The following MYH15 variants were observed in gnomAD, a reference collection of about 807,000 sequenced individuals.
MYH15 encodes myosin-15.
MYH15 carries 227 observed loss-of-function variants against 240.5 expected under a neutral mutation model. That is an observed-to-expected ratio of 0.94 (90% CI 0.85 to 1.05). MYH15 has a LOEUF of 1.05. Ranked by LOEUF, MYH15 falls within the 50% of genes least tolerant of loss-of-function variation. The pLI is 0.00. For missense variants in MYH15, 2,217 were observed against 2,247.5 expected (o/e 0.99, Z 0.27); for synonymous variants, 785 against 796.7 (o/e 0.99, Z 0.25).
the MYH15 span, chr3:108,551,039 A>G: frequency 2.1e-6 from 1 of 473,506 alleles, no homozygotes; most frequent in Non-Finnish European, 3.4e-6. Flanking sequence ...ATTAGATAAT[A>G]ACTTCTTATT....
chr3:108,473,330 C>T (rs979784379), intron 12 of MYH15, among the ~76,000 whole-genome samples: 3 of 152,152 alleles, frequency 2.0e-5, no homozygotes, highest in South Asian at 4.1e-4. Flanking sequence ...CTATGTTGAT[C>T]CCTCTCTTTC....
At chr3:108,449,324 C>T (rs1008732055) in intron 21 of MYH15, among the ~76,000 whole-genome samples, 1 of 151,874 alleles carries the variant, frequency 6.6e-6, no homozygotes, top group Non-Finnish European at 1.5e-5. Context: ...ATCACATTAC[C>T]TAATTTCAAA....
chr3:108,484,541 C>T (rs1419907659), intron 11 of MYH15, among the ~76,000 whole-genome samples: 1 of 152,078 alleles, frequency 6.6e-6, no homozygotes, highest in African/African-American at 2.4e-5. Context: ...TGCAGTGGAG[C>T]GATCTCGGCT....
chr3:108,476,906 A>G (rs1474852999), intron 11 of MYH15, among the ~76,000 whole-genome samples: 2 of 152,172 alleles, frequency 1.3e-5, no homozygotes, highest in African/African-American at 2.4e-5. Flanking sequence ...CGTGAGAAAC[A>G]GTTTGACAGT....
At chr3:108,490,373 C>G (rs2083337198) in intron 9 of MYH15, among the ~76,000 whole-genome samples, 2 of 152,178 alleles carry the variant, frequency 1.3e-5, no homozygotes, top group South Asian at 4.1e-4. Flanking sequence ...AGTTTACTAG[C>G]CTGGATCTGT....
At chr3:108,543,366 C>T in the MYH15 span, 2 of 152,316 alleles carry the variant, frequency 1.3e-5, no homozygotes, top group Admixed American at 6.5e-5. Flanking sequence ...TTGGTATATA[C>T]TAAAGAACTT....
At chr3:108,499,347 A>G in intron 5 of MYH15, 108 bp downstream of exon 5, 1 of 1,126,688 alleles carries the variant, frequency 8.9e-7, no homozygotes, top group Middle Eastern at 2.0e-4. Context: ...TCTAAAGGGC[A>G]ATTAATTCAA....
intron 29 of MYH15, 41 bp downstream of exon 29, chr3:108,416,767 AAAAC>A (rs1313490130): frequency 2.7e-6 from 4 of 1,464,530 alleles, no homozygotes; most frequent in Non-Finnish European, 2.8e-6. Context: ...TTTAAAAAAA[AAAAC>A]ACACAGTCAA....
chr3:108,420,166 A>G (rs2082670959), intron 28 of MYH15, among the ~76,000 whole-genome samples: 1 of 152,200 alleles, frequency 6.6e-6, no homozygotes, highest in Non-Finnish European at 1.5e-5. Flanking sequence ...AATAATGAAT[A>G]AACTATGGGA....
chr3:108,399,967 A>T (rs6762197), intron 33 of MYH15, among the ~76,000 whole-genome samples: 31,469 of 152,186 alleles, frequency 0.21, 3,306 homozygotes, highest in South Asian at 0.26. Flanking sequence ...ATAAAAAATA[A>T]AAAATTGGGA....
chr3:108,391,980 T>C (rs765802369), intron 36 of MYH15, 50 bp from the exon 37 acceptor site: 6 of 1,585,084 alleles, frequency 3.8e-6, no homozygotes, highest in Non-Finnish European at 4.3e-6. Flanking sequence ...CAATTGATCT[T>C]AACATTTTTA....
At chr3:108,441,826 T>C (rs1192871789) in intron 22 of MYH15, among the ~76,000 whole-genome samples, 13 of 152,364 alleles carry the variant, frequency 8.5e-5, no homozygotes, top group Admixed American at 5.2e-4. Context: ...GAGTTCACTG[T>C]TATTTCCAAC....
chr3:108,414,857 T>C (rs1274274199), intron 29 of MYH15, among the ~76,000 whole-genome samples: 1 of 152,226 alleles, frequency 6.6e-6, no homozygotes, highest in Non-Finnish European at 1.5e-5. Flanking sequence ...AATAAAATCT[T>C]TTATTTCACA....
the MYH15 span, among the ~76,000 whole-genome samples, chr3:108,547,134 T>C: frequency 6.6e-6 from 1 of 152,058 alleles, no homozygotes; most frequent in Admixed American, 6.6e-5. Context: ...CTCACTACAC[T>C]GCAGCCCGAG....
At position 108,443,798 on chromosome 3, in the gene MYH15, G is replaced by A. The variant is rs555327953; in HGVS notation, c.2655+842C>T. On this transcript the variant is annotated intron_variant, in intron 22 of 40. Transcript: ENST00000693548. ...ACTGGATATCAGAGTCACCCATAGAGATTATTTGGACCCACACAGAGTCTG... is the reference window on the plus strand; with the variant it reads ...ACTGGATATCAGAGTCACCCATAGAAATTATTTGGACCCACACAGAGTCTG... Among the ~76,000 whole-genome samples, 5 of 151,724 alleles carry A rather than the reference G, an allele frequency of 3.3e-5. No homozygotes were observed. In the South Asian group the frequency reaches 8.3e-4, roughly 25 times the overall value.
rs761909691 is a variant in MYH15 at position 108,500,244 on chromosome 3, T to G, written c.370A>C (p.Asn124His). ...TYSGLFCVTINPYKWLPVYQK... is the reference protein window; with the variant it reads ...TYSGLFCVTIHPYKWLPVYQK... ...TACACGGGAAGCCATTTGTAAGGGT[T>G]TATGGTCACACAGAAGAGACCTGAA... is the stretch of plus-strand genomic sequence containing the variant. The change falls in exon 4 of 41, where the codon AAC becomes CAC. Residue 124 changes from asparagine (N) to histidine (H), a missense_variant. Transcript: ENST00000693548. 3.1e-6 allele frequency: 5 copies of G among 1,613,992 alleles called. No individual in the cohort carries two copies. The highest frequency in any genetic ancestry group is 4.2e-6 in the Non-Finnish European group (5 of 1,179,906).
chr3:108,493,114 A>T lies in MYH15; in HGVS notation c.775T>A (p.Tyr259Asn). 6.2e-7 allele frequency: 1 copy of T among 1,613,922 alleles called. No individual in the cohort carries two copies. The change falls in exon 8 of 41, where the codon TAT becomes AAT. Residue 259 changes from tyrosine (Y) to asparagine (N), a missense_variant and splice_region_variant. By Grantham distance (143) the Tyr-to-Asn change is moderately radical (BLOSUM62 -2). Coordinates refer to ENST00000693548, the MANE Select transcript of MYH15 (RefSeq NM_014981.3). ...ATCAGACAGTGCAATGACTACTTAC[A>T]GATATCAATGTCCACAGATGACAGC... ...GMLSSVDIDI[Y>N]LLEKSRVIFQ...
At chr3:108,531,199 A>G (rs933489427), upstream of MYH15, among the ~76,000 whole-genome samples, 5 of 152,198 alleles carry the variant, frequency 3.3e-5, no homozygotes, top group African/African-American at 1.2e-4. Context: ...AGAAACCTAA[A>G]ACCAGTGGGA....
intron 21 of MYH15, among the ~76,000 whole-genome samples, chr3:108,445,134 T>C (rs1560373426): frequency 6.6e-6 from 1 of 152,190 alleles, no homozygotes. Context: ...CAAACATTCT[T>C]TGAATGAGAG....
Sources: gnomAD v4.1 joint callset for allele counts (sites outside exome capture counted in the v4.1 genomes callset) on GRCh38, gnomAD v4.1.1 for gene constraint, MANE v1.5 for transcripts, NCBI Gene and HGNC (gene_info 2026-07-23, HGNC 2026-07-21) for gene names.